SLC2A14: variants seen among roughly 807,000 people sequenced by gnomAD.
The protein encoded by SLC2A14 is solute carrier family 2 member 14.
A neutral mutation model predicts 43.0 loss-of-function variants in SLC2A14; 13 were observed. That is an observed-to-expected ratio of 0.30 (90% CI 0.20 to 0.48). The LOEUF (loss-of-function observed/expected upper bound fraction) is 0.48, where lower values mean the gene tolerates loss of function less well. Ranked by LOEUF, SLC2A14 falls within the 20% of genes least tolerant of loss-of-function variation. SLC2A14 has a pLI of 0.99. For synonymous variants in SLC2A14, 190 were observed against 233.8 expected (o/e 0.81, Z 1.71); for missense variants, 428 against 620.4 (o/e 0.69, Z 3.29).
intron 7 of SLC2A14, among the ~76,000 whole-genome samples, chr12:7,823,494 G>A (rs1010865307): frequency 2.6e-5 from 4 of 152,154 alleles, no homozygotes; most frequent in South Asian, 2.1e-4. Context: ...AGGCCAAGGC[G>A]GGCAGATCAC....
chr12:7,819,074 G>A (rs1029695273), intron 9 of SLC2A14, among the ~76,000 whole-genome samples: 52 of 152,068 alleles, frequency 3.4e-4, no homozygotes, highest in Middle Eastern at 3.4e-3. Flanking sequence ...AAAATTAGCT[G>A]GGCGTGGAGG....
chr12:7,889,355 T>C (rs11056352), intron 1 of SLC2A14, among the ~76,000 whole-genome samples: 28,859 of 150,340 alleles, frequency 0.19, 3,094 homozygotes, highest in Middle Eastern at 0.32. Context: ...TGACTCAGCC[T>C]CTCAAGTAGC....
At chr12:7,863,905 A>C (rs1242108496) in intron 2 of SLC2A14, among the ~76,000 whole-genome samples, 1 of 148,374 alleles carries the variant, frequency 6.7e-6, no homozygotes, top group African/African-American at 2.5e-5. Context: ...AACCTCCACC[A>C]CCCGGGTTCA....
At chr12:7,829,562 A>AAAAG (rs1565515155) in intron 5 of SLC2A14, among the ~76,000 whole-genome samples, 2 of 151,744 alleles carry the variant, frequency 1.3e-5, no homozygotes, top group East Asian at 1.9e-4. Context: ...CTCAAAAAAA[A>AAAAG]AAAAAGAAAA....
At chr12:7,854,988 T>C (rs993830968) in intron 2 of SLC2A14, among the ~76,000 whole-genome samples, 2 of 152,036 alleles carry the variant, frequency 1.3e-5, no homozygotes, top group South Asian at 4.2e-4. Flanking sequence ...TTTTGTATTT[T>C]TAGTAGAAAC....
chr12:7,822,158 G>A (rs1374216690), intron 7 of SLC2A14, among the ~76,000 whole-genome samples: 2 of 150,602 alleles, frequency 1.3e-5, no homozygotes, highest in African/African-American at 2.4e-5. Flanking sequence ...ACATGGTTTC[G>A]CCATGTTGGC....
rs144052157 is a variant in SLC2A14 at position 7,843,045 on chromosome 12, T to C, written c.19-10231A>G. 5.8e-4 allele frequency among the ~76,000 whole-genome samples: 88 copies of C among 152,134 alleles called. 1 individual carries two copies. Among genetic ancestry groups the C allele is most frequent in the Admixed American group, 1.4e-3 (22 of 15,264 alleles). On this transcript the variant is annotated intron_variant, in intron 2 of 10. Coordinates refer to ENST00000431042, the MANE Select transcript of SLC2A14 (RefSeq NM_001286234.2). ...GCCTGGCCACATAAATGTTTTAATA[T>C]AGGCATGCAATGTAAAATAATCACC...
chr12:7,880,148 A>G (rs748876127), intron 1 of SLC2A14, among the ~76,000 whole-genome samples: 1 of 151,604 alleles, frequency 6.6e-6, no homozygotes, highest in Non-Finnish European at 1.5e-5. Flanking sequence ...CTAAAAATAC[A>G]AAATTAGCCA....
rs71038779 is a variant in SLC2A14, at chr12:7,826,861, TTTTC to T, written c.864+630_864+633del. ...TCCTTCCTTCCTTCCTTCCTTTCTT[TTTTC>T]TTTCTTTCTTTCTTTCTTTCTTTCT... is the stretch of plus-strand genomic sequence containing the variant. On this transcript the variant is annotated intron_variant, in intron 7 of 10. Transcript: ENST00000431042. Among the ~76,000 whole-genome samples, 228 of 60,326 alleles carry T rather than the reference TTTTC, an allele frequency of 3.8e-3. 6 individuals carry two copies. The highest frequency in any genetic ancestry group is 0.017 in the African/African-American group (215 of 12,648). The allele number at this position is 60,326 out of a possible 152,430, so 39.6% of individuals were successfully genotyped here.
At chr12:7,877,479 G>A (rs1284949596), upstream of SLC2A14, among the ~76,000 whole-genome samples, 1 of 151,676 alleles carries the variant, frequency 6.6e-6, no homozygotes, top group Non-Finnish European at 1.5e-5. Flanking sequence ...GGGCTAGAAT[G>A]CAATGGTGAG....
intron 2 of SLC2A14, among the ~76,000 whole-genome samples, chr12:7,846,223 G>A (rs369224156): frequency 6.6e-6 from 1 of 152,012 alleles, no homozygotes; most frequent in Admixed American, 6.6e-5. Context: ...CAGCTCTCCA[G>A]GTGGAGGTCA....
chr12:7,832,640 C>T, intron 3 of SLC2A14, 82 bp downstream of exon 3: 1 of 1,522,312 alleles, frequency 6.6e-7, no homozygotes, highest in Non-Finnish European at 9.0e-7. Flanking sequence ...CATGCCTGGC[C>T]TTAAATTCTG....
intron 2 of SLC2A14, among the ~76,000 whole-genome samples, chr12:7,862,472 C>G (rs748162592): frequency 1.4e-4 from 21 of 152,226 alleles, no homozygotes; most frequent in Admixed American, 2.6e-4. Context: ...CTTCCCACCC[C>G]CTCTGTGGCC....
At chr12:7,873,364 G>A, upstream of SLC2A14, 1 of 985,282 alleles carries the variant, frequency 1.0e-6, no homozygotes, top group Non-Finnish European at 1.2e-6. Flanking sequence ...ATTTCGGGCC[G>A]CGCACGGTGG....
intron 2 of SLC2A14, among the ~76,000 whole-genome samples, chr12:7,854,644 A>G (rs1867208198): frequency 6.6e-6 from 1 of 151,494 alleles, no homozygotes; most frequent in East Asian, 1.9e-4. Context: ...CAGCCTCCTG[A>G]GTAGCTGGGA....
chr12:7,829,064 T>G (rs1864768874), intron 5 of SLC2A14, among the ~76,000 whole-genome samples, 198 bp from the exon 6 acceptor site: 1 of 151,772 alleles, frequency 6.6e-6, no homozygotes, highest in Non-Finnish European at 1.5e-5. Context: ...AATACAAAAA[T>G]TAGCCAGGCG....
chr12:7,881,178 G>A (rs1945563925), intron 1 of SLC2A14, among the ~76,000 whole-genome samples: 1 of 152,116 alleles, frequency 6.6e-6, no homozygotes, highest in Non-Finnish European at 1.5e-5. Context: ...CCACTTTGGC[G>A]GCACGTGAGG....
intron 9 of SLC2A14, 131 bp from the exon 10 acceptor site, chr12:7,818,165 A>T (rs1334239565): frequency 2.5e-6 from 2 of 811,364 alleles, no homozygotes; most frequent in South Asian, 4.0e-5. Flanking sequence ...TGGAATCAAA[A>T]GGCTTGGATT....
intron 1 of SLC2A14, among the ~76,000 whole-genome samples, chr12:7,886,156 T>A (rs1286372023): frequency 3.0e-4 from 1 of 3,288 alleles, no homozygotes; most frequent in African/African-American, 3.4e-3. Context: ...GACAGCTTTT[T>A]TTTTTTTTTT....
Sources: gnomAD v4.1 joint callset for allele counts (sites outside exome capture counted in the v4.1 genomes callset) on GRCh38, gnomAD v4.1.1 for gene constraint, MANE v1.5 for transcripts, NCBI Gene and HGNC (gene_info 2026-07-23, HGNC 2026-07-21) for gene names.